The following TNS3 variants were observed in gnomAD, a reference collection of about 807,000 sequenced individuals.
TNS3 encodes tensin 3.
Under a neutral mutation model 140.9 loss-of-function variants are expected in TNS3, and 45 were observed. That is an observed-to-expected ratio of 0.32 (90% CI 0.25 to 0.41). The LOEUF is 0.41. Ranked by LOEUF, TNS3 falls within the 10% of genes least tolerant of loss-of-function variation. The pLI, the probability that TNS3 is intolerant of heterozygous loss-of-function variation, is 1.00. For missense variants in TNS3, 1,716 were observed against 1,906.7 expected, an observed-to-expected ratio of 0.90 and a Z score of 1.86; for synonymous variants, 815 against 788.4, an observed-to-expected ratio of 1.03 and a Z score of -0.56.
At chr7:47,559,555 G>A (rs1800280810) in intron 1 of TNS3, among the ~76,000 whole-genome samples, 1 of 152,118 alleles carries the variant, frequency 6.6e-6, no homozygotes, top group Non-Finnish European at 1.5e-5. Context: ...CCAGGACTAT[G>A]CAGAGAATGG....
intron 13 of TNS3, among the ~76,000 whole-genome samples, chr7:47,408,606 G>A (rs1413029926): frequency 6.6e-6 from 1 of 152,182 alleles, no homozygotes; most frequent in East Asian, 1.9e-4. Flanking sequence ...GCCAGGCGCT[G>A]TCCTGGGAGA....
At chr7:47,348,932 C>T (rs371796361) in intron 17 of TNS3, among the ~76,000 whole-genome samples, 2 of 152,340 alleles carry the variant, frequency 1.3e-5, no homozygotes, top group South Asian at 2.1e-4. Context: ...CAATGCAGGA[C>T]GCTTAGACTT....
Position 47,522,927 on chromosome 7 carries a change from C to CAAA in TNS3, c.-153+6106_-153+6108dup, listed in dbSNP as rs370083525. On this transcript the variant is annotated intron_variant, in intron 2 of 30. Coordinates refer to ENST00000311160, the MANE Select transcript of TNS3 (RefSeq NM_022748.12). ...TGGGTGACAGAGCGAGACTCCATCTCAAAAAAAAAAAGAGTTTCTATTGTT... is the reference window on the plus strand; with the variant it reads ...TGGGTGACAGAGCGAGACTCCATCTCAAAAAAAAAAAAAAGAGTTTCTATTGTT... Among the ~76,000 whole-genome samples, 37 of 139,640 alleles carry CAAA rather than the reference C, an allele frequency of 2.6e-4. 3 individuals carry two copies. The highest frequency in any genetic ancestry group is 4.3e-4 in the Admixed American group (6 of 13,918). The allele number at this position is 139,640 out of a possible 152,430, so 91.6% of individuals were successfully genotyped here. A position where few individuals can be genotyped will look rare whatever the true frequency, so the allele number is the denominator to read the frequency against.
rs755357492 is a variant in TNS3 at position 47,305,021 on chromosome 7, G to C, written c.2651-18C>G. ...TCGTGGTTCTGTAGCGGGAACACAG[G>C]AAGCAGAGAGACCTCGGTTGTAGGA... On this transcript the variant is annotated intron_variant, in intron 20 of 30. Transcript: ENST00000311160. The C allele has an allele frequency of 7.5e-7, 1 of 1,330,514 alleles. No homozygotes were observed. Among genetic ancestry groups the C allele is most frequent in the Non-Finnish European group, 9.7e-7 (1 of 1,030,402 alleles). The allele number at this position is 1,330,514 out of a possible 1,614,324, so 82.4% of individuals were successfully genotyped here.
chr7:47,303,347 C>T lies in TNS3; in HGVS notation c.3060G>A (p.Leu1020=). 2 of 1,613,594 alleles carry T rather than the reference C, an allele frequency of 1.2e-6. No individual in the cohort carries two copies. Among genetic ancestry groups the T allele is most frequent in the South Asian group, 2.2e-5 (2 of 91,028 alleles). Residue 1020 remains leucine, a synonymous_variant, in exon 22 of 31, where the codon CTG becomes CTA. Coordinates refer to ENST00000311160, the MANE Select transcript of TNS3 (RefSeq NM_022748.12). ...TTCCCACTGGGGCGGTGCCGAAGCCCAGGAAGGCCTGGCTGCTGGGAGGCG... is the reference window on the plus strand; with the variant it reads ...TTCCCACTGGGGCGGTGCCGAAGCCTAGGAAGGCCTGGCTGCTGGGAGGCG... ...SLAPPSSQAF[L]GFGTAPVGSG...
Position 47,415,825 on chromosome 7 carries a change from G to A in TNS3, c.474-619C>T, listed in dbSNP as rs1330772750. 3.3e-5 allele frequency among the ~76,000 whole-genome samples: 5 copies of A among 152,268 alleles called. No individual in the cohort carries two copies. In the South Asian group the frequency reaches 1.0e-3, roughly 31 times the overall value. The stretch of plus-strand genomic sequence containing the variant: ...CCATCAGCCTTTCTGAGTTCTAGGA[G>A]TCGGCCTCATGCTTCCAACACTGAC... On this transcript the variant is annotated intron_variant, in intron 10 of 30. Transcript: ENST00000311160.
chr7:47,368,874 C>T lies in TNS3; in HGVS notation c.1772G>A (p.Arg591His), dbSNP rs964210463. Residue 591 changes from arginine (R) to histidine (H), a missense_variant, in exon 17 of 31, where the codon CGC becomes CAC. Physicochemically the swap from Arg to His is conservative, Grantham distance 29. Coordinates refer to ENST00000311160, the MANE Select transcript of TNS3 (RefSeq NM_022748.12). ...GTGAGCTACAACCATCTGCTGCTGG[C>T]GCACCCAGGTCTGTGTGGAGTAGCT... ...QSSYSTQTWV[R>H]QQQMVVAHQY... 6.2e-6 allele frequency: 10 copies of T among 1,613,682 alleles called. No individual in the cohort carries two copies. The highest frequency in any genetic ancestry group is 1.1e-5 in the South Asian group (1 of 91,048).
chr7:47,367,981 C>T (rs1057447763), intron 17 of TNS3, among the ~76,000 whole-genome samples: 3 of 152,104 alleles, frequency 2.0e-5, no homozygotes, highest in African/African-American at 7.3e-5. Flanking sequence ...TGACCTATAC[C>T]GCAGGGACAG....
At chr7:47,485,312 C>T (rs1003404038) in intron 3 of TNS3, among the ~76,000 whole-genome samples, 2 of 152,214 alleles carry the variant, frequency 1.3e-5, no homozygotes, top group African/African-American at 4.8e-5. Context: ...CGAAACAGTG[C>T]CCTGTCTGTA....
chr7:47,476,888 T>A (rs906484439), intron 4 of TNS3, among the ~76,000 whole-genome samples: 7 of 152,200 alleles, frequency 4.6e-5, no homozygotes, highest in Non-Finnish European at 8.8e-5. Flanking sequence ...CGATTTTGAG[T>A]CCATGAATTA....
At chr7:47,319,147 A>G (rs1394782355) in intron 20 of TNS3, among the ~76,000 whole-genome samples, 4 of 152,224 alleles carry the variant, frequency 2.6e-5, no homozygotes, top group Admixed American at 6.5e-5. Context: ...ACCGCTATAT[A>G]GGAACAACCG....
At chr7:47,321,275 G>C (rs1485849757) in intron 20 of TNS3, among the ~76,000 whole-genome samples, 3 of 152,188 alleles carry the variant, frequency 2.0e-5, no homozygotes, top group African/African-American at 7.2e-5. Flanking sequence ...CTGATGCAAG[G>C]GTCTCATTCT....
At chr7:47,462,896 G>A (rs959276073) in intron 4 of TNS3, among the ~76,000 whole-genome samples, 1 of 152,152 alleles carries the variant, frequency 6.6e-6, no homozygotes, top group Non-Finnish European at 1.5e-5. Context: ...CCAGAAAGTG[G>A]GCTGGGATCT....
chr7:47,491,386 G>A (rs760052036), intron 3 of TNS3, among the ~76,000 whole-genome samples: 6 of 152,132 alleles, frequency 3.9e-5, no homozygotes, highest in South Asian at 4.1e-4. Context: ...ATGAATTTAC[G>A]GAGACTGTCC....
intron 4 of TNS3, among the ~76,000 whole-genome samples, chr7:47,479,512 A>G (rs1214048204): frequency 8.2e-6 from 1 of 121,754 alleles, no homozygotes; most frequent in Non-Finnish European, 1.6e-5. Context: ...GGTGAGTGCC[A>G]CAGGAGGAAT....
chr7:47,369,627 G>T lies in TNS3; in HGVS notation c.1025-6C>A. ...AGGGCCCTGCGTGTGTAGCACTGCG[G>T]GGGAGAAAACCGGAGAGAGGCTTTC... On this transcript the variant is annotated splice_region_variant and splice_polypyrimidine_tract_variant and intron_variant, in intron 16 of 30. Coordinates refer to ENST00000311160, the MANE Select transcript of TNS3 (RefSeq NM_022748.12). 6.5e-7 allele frequency: 1 copy of T among 1,546,536 alleles called. No homozygotes were observed. The highest frequency in any genetic ancestry group is 8.7e-7 in the Non-Finnish European group (1 of 1,147,216).
intron 20 of TNS3, among the ~76,000 whole-genome samples, chr7:47,309,438 C>A (rs1786955390): frequency 6.6e-6 from 1 of 151,554 alleles, no homozygotes; most frequent in South Asian, 2.1e-4. Flanking sequence ...TAAAACATAA[C>A]TGTGGAATAA....
chr7:47,509,181 C>T (rs13246645), intron 2 of TNS3, among the ~76,000 whole-genome samples: 1 of 152,208 alleles, frequency 6.6e-6, no homozygotes, highest in Admixed American at 6.5e-5. Flanking sequence ...GTGGCCTACT[C>T]GGCCACCAGA....
chr7:47,381,764 G>A (rs189000226), intron 16 of TNS3, among the ~76,000 whole-genome samples: 74 of 152,290 alleles, frequency 4.9e-4, no homozygotes, highest in African/African-American at 1.4e-3. Context: ...GAGACATAAT[G>A]CACTTATTGT....
Sources: allele counts gnomAD v4.1 joint callset (sites outside exome capture counted in the v4.1 genomes callset), GRCh38; gene constraint gnomAD v4.1.1; transcripts MANE v1.5; gene names NCBI Gene and HGNC (gene_info 2026-07-23, HGNC 2026-07-21).